The following RASAL2 variants were observed in gnomAD, a reference collection of about 807,000 sequenced individuals.
RASAL2 encodes RAS protein activator like 2, also known as ras GTPase-activating protein nGAP.
RASAL2 carries 58 observed loss-of-function variants against 128.9 expected under a neutral mutation model. The observed-to-expected ratio is 0.45, with a 90% CI of 0.36 to 0.56. The LOEUF is 0.56. RASAL2 is among the 20% of genes least tolerant of loss of function. The pLI is 0.00. For synonymous variants in RASAL2, 561 were observed against 580.8 expected (o/e 0.97, Z 0.49); for missense variants, 1,360 against 1,601.6 (o/e 0.85, Z 2.57).
At position 178,165,647 on chromosome 1, in the gene RASAL2, G is replaced by C. The variant is rs564724947; in HGVS notation, c.202+70953G>C. 3.3e-5 allele frequency among the ~76,000 whole-genome samples: 5 copies of C among 152,172 alleles called. No individual in the cohort carries two copies. In the South Asian group the frequency reaches 1.0e-3, roughly 32 times the overall value. ...TGTTTTATTTAGAAACAGTGGACAT[G>C]GTGATTGAGTTTTTTATTGAGTCAA... On this transcript the variant is annotated intron_variant, in intron 1 of 17. Transcript: ENST00000367649.
At chr1:178,321,237 C>T (rs1663089929) in intron 3 of RASAL2, among the ~76,000 whole-genome samples, 1 of 152,034 alleles carries the variant, frequency 6.6e-6, no homozygotes, top group Admixed American at 6.6e-5. Flanking sequence ...GAATTTGCCA[C>T]CATGCATGGC....
chr1:178,453,164 G>A (rs889379260), intron 11 of RASAL2, among the ~76,000 whole-genome samples: 2 of 152,060 alleles, frequency 1.3e-5, no homozygotes, highest in Non-Finnish European at 2.9e-5. Context: ...GAGATTAAAT[G>A]CAATACTTGA....
At chr1:178,200,851 G>A (rs1037761314) in intron 1 of RASAL2, among the ~76,000 whole-genome samples, 2 of 152,300 alleles carry the variant, frequency 1.3e-5, no homozygotes, top group East Asian at 1.9e-4. Flanking sequence ...AGTAGTGGCA[G>A]CATCCCCTCC....
At position 178,243,769 on chromosome 1, in the gene RASAL2, T is replaced by C. The variant is rs571208884; in HGVS notation, c.203-39795T>C. On this transcript the variant is annotated intron_variant, in intron 1 of 17. Coordinates refer to ENST00000367649, the MANE Select transcript of RASAL2 (RefSeq NM_170692.4). ...TCCTTGTCCTAGGGCCCCTAGCAAA[T>C]CAGCCATTTTTCTTTTTACAGAGTT... Among the ~76,000 whole-genome samples the C allele has an allele frequency of 2.0e-3, 300 of 152,222 alleles. 1 individual carries two copies. The highest frequency in any genetic ancestry group is 3.8e-3 in the Non-Finnish European group (256 of 68,012).
intron 4 of RASAL2, among the ~76,000 whole-genome samples, chr1:178,406,847 T>G (rs945344438): frequency 2.0e-5 from 3 of 151,604 alleles, no homozygotes; most frequent in Non-Finnish European, 4.4e-5. Context: ...TAATTATACA[T>G]AATGTAGCAT....
chr1:178,181,566 A>ATTTAGATTATT (rs1553256924), intron 1 of RASAL2, among the ~76,000 whole-genome samples: 4 of 151,954 alleles, frequency 2.6e-5, no homozygotes, highest in African/African-American at 9.6e-5. Flanking sequence ...ACCGTCGTTG[A>ATTTAGATTATT]TTTAGATTAT....
intron 1 of RASAL2, among the ~76,000 whole-genome samples, chr1:178,235,012 A>G (rs1236463299): frequency 6.6e-6 from 1 of 152,148 alleles, no homozygotes; most frequent in African/African-American, 2.4e-5. Context: ...ACTCTTAAAC[A>G]TATATATTTT....
intron 3 of RASAL2, among the ~76,000 whole-genome samples, chr1:178,307,978 T>C (rs1668072321): frequency 6.6e-6 from 1 of 152,192 alleles, no homozygotes; most frequent in South Asian, 2.1e-4. Context: ...AAAGTTCAGA[T>C]TGAACTGGTA....
intron 1 of RASAL2, among the ~76,000 whole-genome samples, chr1:178,173,441 G>A (rs957848742): frequency 7.9e-5 from 12 of 152,052 alleles, no homozygotes; most frequent in Admixed American, 6.6e-4. Context: ...ATTTGCCTTG[G>A]TGGAAAGTGT....
At chr1:178,289,873 G>A (rs183694473) in intron 2 of RASAL2, among the ~76,000 whole-genome samples, 3 of 152,224 alleles carry the variant, frequency 2.0e-5, no homozygotes, top group East Asian at 1.9e-4. Context: ...CCCTAAGGCC[G>A]TGGTCTTGGC....
chr1:178,159,000 C>G (rs983536498), intron 1 of RASAL2, among the ~76,000 whole-genome samples: 8 of 152,038 alleles, frequency 5.3e-5, no homozygotes, highest in African/African-American at 1.9e-4. Flanking sequence ...TAATATTTAC[C>G]CTGTGAGCTC....
At chr1:178,467,275 T>A (rs1647816446) in intron 16 of RASAL2, 59 bp from the exon 17 acceptor site, 2 of 1,395,668 alleles carry the variant, frequency 1.4e-6, no homozygotes, top group Admixed American at 3.4e-5. Context: ...TTTCCTGTTC[T>A]CTACACTAGC....
At chr1:178,384,442 A>G (rs1486388999) in intron 3 of RASAL2, among the ~76,000 whole-genome samples, 1 of 152,148 alleles carries the variant, frequency 6.6e-6, no homozygotes, top group African/African-American at 2.4e-5. Flanking sequence ...TTACTATCTC[A>G]GGGGCTACAG....
At chr1:178,260,265 T>C (rs750880683) in intron 1 of RASAL2, among the ~76,000 whole-genome samples, 6 of 146,818 alleles carry the variant, frequency 4.1e-5, no homozygotes, top group Non-Finnish European at 7.5e-5. Flanking sequence ...AGACAGAGAA[T>C]TGCTTGAACC....
chr1:178,252,701 A>C lies in RASAL2; in HGVS notation c.203-30863A>C, dbSNP rs552025178. 3.9e-5 allele frequency among the ~76,000 whole-genome samples: 6 copies of C among 152,328 alleles called. No individual in the cohort carries two copies. The South Asian group carries it at 1.2e-3, about 32-fold the overall frequency. On this transcript the variant is annotated intron_variant, in intron 1 of 17. Coordinates refer to ENST00000367649, the MANE Select transcript of RASAL2 (RefSeq NM_170692.4). ...ATGAATTAAAGGGAAAAACTTTATA[A>C]TGATAGTTAGAAAAGGGTCTGATGC...
intron 8 of RASAL2, among the ~76,000 whole-genome samples, chr1:178,443,844 GA>G (rs1343591460): frequency 6.6e-6 from 1 of 152,112 alleles, no homozygotes; most frequent in Non-Finnish European, 1.5e-5. Flanking sequence ...CTAGTTGAGA[GA>G]GTCTTTGACC....
Position 178,441,669 on chromosome 1 carries a change from TA to T in RASAL2, c.927+28del, listed in dbSNP as rs748856518. The T allele has an allele frequency of 1.9e-6, 3 of 1,553,266 alleles. 1 individual carries two copies. The East Asian group carries it at 6.8e-5, about 35-fold the overall frequency. Reference sequence around the variant, plus strand: ...TAAGGTAATAGTAGCTTCAAGTATCTAAAAAATGTATAACTTTGTAAGCAGT... The same window carrying T: ...TAAGGTAATAGTAGCTTCAAGTATCTAAAAATGTATAACTTTGTAAGCAGT... On this transcript the variant is annotated intron_variant, in intron 7 of 17. Transcript: ENST00000367649.
intron 1 of RASAL2, among the ~76,000 whole-genome samples, chr1:178,258,394 A>G (rs1665489110): frequency 6.6e-6 from 1 of 152,148 alleles, no homozygotes. Context: ...TATCCATAAC[A>G]TATAAAAACT....
At chr1:178,202,968 A>G (rs1014274715) in intron 1 of RASAL2, among the ~76,000 whole-genome samples, 12 of 152,150 alleles carry the variant, frequency 7.9e-5, no homozygotes, top group Non-Finnish European at 1.5e-4. Context: ...TGAATGCCCA[A>G]TTTGCCAGCA....
Sources: allele counts gnomAD v4.1 joint callset (sites outside exome capture counted in the v4.1 genomes callset), GRCh38; gene constraint gnomAD v4.1.1; transcripts MANE v1.5; gene names NCBI Gene and HGNC (gene_info 2026-07-23, HGNC 2026-07-21).